Variants in DAB1 observed in about 807,000 individuals in gnomAD.
DAB1 encodes DAB adaptor protein 1.
Under a neutral mutation model 64.6 loss-of-function variants are expected in DAB1, and 15 were observed. The observed-to-expected ratio is 0.23, with a 90% CI of 0.16 to 0.36. The LOEUF (loss-of-function observed/expected upper bound fraction) is 0.36. DAB1 is among the 10% of genes least tolerant of loss of function. The pLI is 1.00. For missense variants in DAB1, 596 were observed against 706.7 expected, an observed-to-expected ratio of 0.84 and a Z score of 1.78; for synonymous variants, 235 against 251.9, an observed-to-expected ratio of 0.93 and a Z score of 0.64.
chr1:58,392,888 ACT>A (rs1013762142), intron 3 of DAB1, among the ~76,000 whole-genome samples: 33 of 151,834 alleles, frequency 2.2e-4, no homozygotes, highest in African/African-American at 8.0e-4. Flanking sequence ...GGCTTCTATG[ACT>A]CTGTTCTCTC....
chr1:58,287,400 C>G (rs1661710529), intron 4 of DAB1, among the ~76,000 whole-genome samples: 1 of 152,112 alleles, frequency 6.6e-6, no homozygotes, highest in South Asian at 2.1e-4. Context: ...CTGGGCTCAG[C>G]TGGGTGGTTC....
chr1:58,169,384 C>A (rs990990756), intron 4 of DAB1, among the ~76,000 whole-genome samples: 9 of 152,100 alleles, frequency 5.9e-5, no homozygotes, highest in Admixed American at 5.9e-4. Context: ...AAACCAAAAC[C>A]ACGTGTGGTT....
At chr1:58,486,964 G>A (rs945305825) in intron 3 of DAB1, among the ~76,000 whole-genome samples, 4 of 152,218 alleles carry the variant, frequency 2.6e-5, no homozygotes, top group Non-Finnish European at 1.5e-5. Context: ...GGAAGACATA[G>A]GAAGAGTCTG....
At chr1:58,539,080 C>G (rs775179746) in intron 1 of DAB1, 9 of 872,762 alleles carry the variant, frequency 1.0e-5, no homozygotes, top group South Asian at 9.1e-5. Flanking sequence ...GTTAAAAGTA[C>G]TATAAAAATG....
At chr1:58,434,784 C>T (rs75192897) in intron 3 of DAB1, among the ~76,000 whole-genome samples, 3 of 152,154 alleles carry the variant, frequency 2.0e-5, no homozygotes, top group African/African-American at 7.2e-5. Flanking sequence ...GAAAATTAAA[C>T]AAAGTGCATC....
chr1:57,183,399 A>G (rs1230881922), intron 2 of DAB1, among the ~76,000 whole-genome samples: 2 of 152,238 alleles, frequency 1.3e-5, no homozygotes, highest in African/African-American at 4.8e-5. Flanking sequence ...GCAGAGAAGC[A>G]ATATTGTGTG....
At chr1:57,454,882 A>C (rs1424688526) in intron 7 of DAB1, among the ~76,000 whole-genome samples, 1 of 152,172 alleles carries the variant, frequency 6.6e-6, no homozygotes, top group Non-Finnish European at 1.5e-5. Flanking sequence ...CTCTATCTTC[A>C]AAAAAATATC....
chr1:57,114,412 T>A (rs1655930246), intron 4 of DAB1, among the ~76,000 whole-genome samples: 1 of 152,198 alleles, frequency 6.6e-6, no homozygotes, highest in African/African-American at 2.4e-5. Flanking sequence ...AATGTATCAG[T>A]ATCAACCGGA....
chr1:57,399,233 AG>A (rs1683050961), intron 1 of DAB1, among the ~76,000 whole-genome samples: 2 of 152,180 alleles, frequency 1.3e-5, no homozygotes, highest in Non-Finnish European at 2.9e-5. Context: ...GAAGGTGAGG[AG>A]AGATTTGTGG....
At chr1:57,393,023 T>C (rs1682514005) in intron 1 of DAB1, among the ~76,000 whole-genome samples, 1 of 152,236 alleles carries the variant, frequency 6.6e-6, no homozygotes, top group Non-Finnish European at 1.5e-5. Flanking sequence ...GTGACCTTTT[T>C]CAAAATGTAT....
At chr1:58,516,158 T>G (rs1646154536) in intron 2 of DAB1, among the ~76,000 whole-genome samples, 1 of 152,106 alleles carries the variant, frequency 6.6e-6, no homozygotes. Flanking sequence ...ACATCAATAA[T>G]TCCCCCCACT....
chr1:57,023,415 A>G, intron 11 of DAB1, 116 bp downstream of exon 11: 1 of 650,842 alleles, frequency 1.5e-6, no homozygotes, highest in Non-Finnish European at 2.8e-6. Context: ...TCACCTGAAG[A>G]GTCACAGGAG....
intron 4 of DAB1, chr1:58,228,901 G>A (rs1310313246): frequency 1.9e-6 from 1 of 530,946 alleles, no homozygotes; most frequent in Non-Finnish European, 3.7e-6. Flanking sequence ...CCTAACAACA[G>A]CTGTAGTGTG....
intron 4 of DAB1, among the ~76,000 whole-genome samples, chr1:58,189,578 C>T (rs747423605): frequency 2.4e-4 from 36 of 152,282 alleles, no homozygotes; most frequent in African/African-American, 7.5e-4. Flanking sequence ...CCCAGCATCC[C>T]GCTAACAACC....
chr1:57,264,093 A>G (rs898690682), intron 2 of DAB1, among the ~76,000 whole-genome samples: 3 of 152,126 alleles, frequency 2.0e-5, no homozygotes, highest in Admixed American at 1.3e-4. Context: ...TTTTGCATTA[A>G]TCCATTTATT....
At chr1:57,085,936 G>A (rs1557693309) in intron 4 of DAB1, among the ~76,000 whole-genome samples, 1 of 152,120 alleles carries the variant, frequency 6.6e-6, no homozygotes, top group Non-Finnish European at 1.5e-5. Flanking sequence ...GTGAGTGTGG[G>A]AGCGGTGGGG....
In DAB1 at chr1:58,440,324, A is replaced by G. The variant is rs915010602; in HGVS notation, n.257+65736T>C. Among the ~76,000 whole-genome samples, 19 of 152,214 alleles carry G rather than the reference A, an allele frequency of 1.2e-4. 1 individual carries two copies. The highest frequency in any genetic ancestry group is 2.4e-5 in the African/African-American group (1 of 41,458). ...TGGGCTAGATGCTGAGCTTACAGAGATGCCTAGCTCATAGCTTAAAGGAAC... is the reference window on the plus strand; with the variant it reads ...TGGGCTAGATGCTGAGCTTACAGAGGTGCCTAGCTCATAGCTTAAAGGAAC... On this transcript the variant is annotated intron_variant and non_coding_transcript_variant, in intron 3 of 20. Transcript: ENST00000485760.
chr1:57,178,829 C>T (rs975282913), intron 2 of DAB1, among the ~76,000 whole-genome samples: 18 of 151,420 alleles, frequency 1.2e-4, no homozygotes, highest in Admixed American at 1.3e-4. Flanking sequence ...ATATAATGCA[C>T]CTAAGATAGT....
intron 2 of DAB1, among the ~76,000 whole-genome samples, chr1:57,153,801 C>T (rs1433621172): frequency 6.6e-6 from 1 of 152,054 alleles, no homozygotes; most frequent in South Asian, 2.1e-4. Context: ...CCACACCTGG[C>T]TAATTTTTTT....
Sources: gnomAD v4.1 joint callset for allele counts (sites outside exome capture counted in the v4.1 genomes callset) on GRCh38, gnomAD v4.1.1 for gene constraint, MANE v1.5 for transcripts, NCBI Gene and HGNC (gene_info 2026-07-23, HGNC 2026-07-21) for gene names.